HHAT: variants seen among roughly 807,000 people sequenced by gnomAD.
HHAT encodes the protein protein-cysteine N-palmitoyltransferase HHAT.
HHAT carries 47 observed loss-of-function variants against 70.8 expected under a neutral mutation model. That is an observed-to-expected ratio of 0.66 (90% confidence interval 0.53 to 0.85). The LOEUF (loss-of-function observed/expected upper bound fraction) is 0.85. HHAT is among the 40% of genes least tolerant of loss of function. The pLI is 0.00. For missense variants in HHAT, 609 were observed against 604.8 expected (o/e 1.01, Z -0.07); for synonymous variants, 228 against 247.6 (o/e 0.92, Z 0.74).
chr1:210,662,177 C>T (rs192006439), intron 11 of HHAT, among the ~76,000 whole-genome samples: 128 of 152,280 alleles, frequency 8.4e-4, no homozygotes, highest in African/African-American at 2.9e-3. Context: ...TGGAGCTGAA[C>T]ATAAGTTGTA....
At chr1:210,561,127 A>G (rs1395456399) in intron 9 of HHAT, among the ~76,000 whole-genome samples, 2 of 152,096 alleles carry the variant, frequency 1.3e-5, no homozygotes, top group Non-Finnish European at 2.9e-5. Flanking sequence ...AGTCCCATAG[A>G]ACTAGGTGAT....
chr1:210,474,531 T>C (rs2094269190), intron 8 of HHAT, among the ~76,000 whole-genome samples: 1 of 152,228 alleles, frequency 6.6e-6, no homozygotes, highest in African/African-American at 2.4e-5. Flanking sequence ...AGTGCCTTTA[T>C]GGTGATCATA....
intron 11 of HHAT, among the ~76,000 whole-genome samples, chr1:210,635,838 C>A (rs1465093586): frequency 6.6e-6 from 1 of 152,176 alleles, no homozygotes; most frequent in African/African-American, 2.4e-5. Flanking sequence ...AATGTCAAAA[C>A]AAAGAGGGGA....
intron 2 of HHAT, among the ~76,000 whole-genome samples, chr1:210,349,603 G>A (rs1259269613): frequency 6.6e-6 from 1 of 151,892 alleles, no homozygotes; most frequent in Non-Finnish European, 1.5e-5. Context: ...GGGCACAGCT[G>A]GGAGGCTGGG....
chr1:210,623,326 G>T (rs1669229247), intron 10 of HHAT, among the ~76,000 whole-genome samples, 200 bp from the exon 11 acceptor site: 1 of 152,112 alleles, frequency 6.6e-6, no homozygotes, highest in Non-Finnish European at 1.5e-5. Flanking sequence ...CTCCCACCTT[G>T]GCCTCCCAAA....
At chr1:210,453,265 T>A (rs1464622815) in intron 7 of HHAT, among the ~76,000 whole-genome samples, 2 of 152,138 alleles carry the variant, frequency 1.3e-5, no homozygotes, top group Admixed American at 6.5e-5. Context: ...GTAGAAAAAA[T>A]TTTTATAAAT....
chr1:210,655,901 A>G (rs1558368146), intron 11 of HHAT, among the ~76,000 whole-genome samples: 1 of 151,926 alleles, frequency 6.6e-6, no homozygotes, highest in Non-Finnish European at 1.5e-5. Context: ...CCTATATTTT[A>G]TAGGACTGTA....
intron 10 of HHAT, among the ~76,000 whole-genome samples, chr1:210,605,306 A>C (rs2148828223): frequency 6.6e-6 from 1 of 152,310 alleles, no homozygotes; most frequent in Non-Finnish European, 1.5e-5. Context: ...AGGGAGTCAA[A>C]CCCAGTTATA....
At chr1:210,673,502 A>C (rs1419256537) in intron 11 of HHAT, among the ~76,000 whole-genome samples, 3 of 151,842 alleles carry the variant, frequency 2.0e-5, no homozygotes, top group African/African-American at 4.8e-5. Context: ...ACATGTTTAC[A>C]GTGCCACATG....
In HHAT at chr1:210,400,666, A is replaced by G. The variant is rs778745133; in HGVS notation, c.468+4A>G. 1 of 1,610,144 alleles carries G rather than the reference A, an allele frequency of 6.2e-7. No homozygotes were observed. Among genetic ancestry groups the G allele is most frequent in the East Asian group, 2.2e-5 (1 of 44,844 alleles). On this transcript the variant is annotated splice_donor_region_variant and intron_variant, in intron 5 of 11. Transcript: ENST00000261458. ...GCAGGGTGTGGAAGAAGTTAAGGTA[A>G]GTGTTTTCCTGTTACCATTGGGAAT...
intron 7 of HHAT, among the ~76,000 whole-genome samples, chr1:210,430,791 A>G (rs2093220858): frequency 6.6e-6 from 1 of 151,730 alleles, no homozygotes; most frequent in South Asian, 2.1e-4. Flanking sequence ...AATTCTTCTA[A>G]TTTTGAATTT....
At chr1:210,513,359 T>TTAAAGAA (rs2094995116) in intron 9 of HHAT, among the ~76,000 whole-genome samples, 171 bp downstream of exon 9, 1 of 152,204 alleles carries the variant, frequency 6.6e-6, no homozygotes, top group African/African-American at 2.4e-5. Flanking sequence ...ATCACACGAT[T>TTAAAGAA]AAACAATTAA....
rs112641006 is a variant in HHAT at position 210,478,499 on chromosome 1, G to A, written c.1007+13844G>A. Among the ~76,000 whole-genome samples the A allele has an allele frequency of 9.0e-3, 1,373 of 152,230 alleles. 30 individuals carry two copies. Among genetic ancestry groups the A allele is most frequent in the African/African-American group, 0.031 (1,305 of 41,538 alleles). ...GCTATTGGGATGGTGAAATAGGAAGGTGAGGGGCCGAATCTCTGGAATCTA... is the reference window on the plus strand; with the variant it reads ...GCTATTGGGATGGTGAAATAGGAAGATGAGGGGCCGAATCTCTGGAATCTA... On this transcript the variant is annotated intron_variant, in intron 8 of 11. Transcript: ENST00000261458.
chr1:210,622,403 G>T (rs1240611314), intron 10 of HHAT, among the ~76,000 whole-genome samples: 1 of 152,150 alleles, frequency 6.6e-6, no homozygotes, highest in Non-Finnish European at 1.5e-5. Flanking sequence ...TGAACACACG[G>T]TCCCTTGGGG....
intron 9 of HHAT, among the ~76,000 whole-genome samples, chr1:210,541,778 C>T (rs1034421155): frequency 6.6e-6 from 1 of 152,122 alleles, no homozygotes. Flanking sequence ...TCTACATTCA[C>T]AGGGAACTTC....
chr1:210,548,429 TTGAA>T (rs201369856), intron 9 of HHAT, among the ~76,000 whole-genome samples: 2,051 of 152,246 alleles, frequency 0.013, 34 homozygotes, highest in Non-Finnish European at 0.016. Context: ...TGTAAGTTGT[TTGAA>T]TGAATTAATG....
chr1:210,476,279 T>C (rs147446782), intron 8 of HHAT, among the ~76,000 whole-genome samples: 1 of 152,342 alleles, frequency 6.6e-6, no homozygotes, highest in East Asian at 1.9e-4. Context: ...AAAGACTTTC[T>C]CTTGGTATAC....
intron 11 of HHAT, among the ~76,000 whole-genome samples, chr1:210,664,667 G>A (rs1678505085): frequency 6.6e-6 from 1 of 151,986 alleles, no homozygotes; most frequent in South Asian, 2.1e-4. Flanking sequence ...TCTAACAAAT[G>A]GCAGGGCACA....
At chr1:210,434,518 A>G (rs909414328) in intron 7 of HHAT, among the ~76,000 whole-genome samples, 1 of 151,850 alleles carries the variant, frequency 6.6e-6, no homozygotes, top group African/African-American at 2.4e-5. Context: ...CTCAAGGGGT[A>G]TACCACAGAC....
Sources: allele counts gnomAD v4.1 joint callset (sites outside exome capture counted in the v4.1 genomes callset), GRCh38; gene constraint gnomAD v4.1.1; transcripts MANE v1.5; gene names NCBI Gene and HGNC (gene_info 2026-07-23, HGNC 2026-07-21).